Variants in CSMD1 observed in about 807,000 individuals in gnomAD.
CSMD1 encodes the protein CUB and Sushi multiple domains 1.
Under a neutral mutation model 417.5 loss-of-function variants are expected in CSMD1, and 213 were observed. That is an observed-to-expected ratio of 0.51 (90% CI 0.46 to 0.57). CSMD1 has a LOEUF of 0.57. Among genes scored for constraint, CSMD1 ranks in the 20% least tolerant of loss-of-function variants. The pLI is 0.00. For missense variants in CSMD1, 6,923 were observed against 4,529.7 expected (o/e 1.53, Z -15.17); for synonymous variants, 2,862 against 1,736.8 (o/e 1.65, Z -16.11).
At chr8:4,578,086 TAGCTC>T (rs1351496454) in intron 2 of CSMD1, among the ~76,000 whole-genome samples, 2 of 152,168 alleles carry the variant, frequency 1.3e-5, no homozygotes, top group African/African-American at 4.8e-5. Context: ...GCACCCGAGT[TAGCTC>T]AGAGCTGCTT....
chr8:4,598,569 G>T (rs1035541217), intron 2 of CSMD1, among the ~76,000 whole-genome samples: 3 of 152,062 alleles, frequency 2.0e-5, no homozygotes, highest in Non-Finnish European at 4.4e-5. Context: ...CTCCACATTG[G>T]TTCAAGATTA....
intron 3 of CSMD1, among the ~76,000 whole-genome samples, chr8:4,213,661 C>G (rs1287287635): frequency 6.6e-6 from 1 of 152,178 alleles, no homozygotes; most frequent in African/African-American, 2.4e-5. Context: ...TGCTCAGCAA[C>G]TGAGATGAAA....
intron 50 of CSMD1, among the ~76,000 whole-genome samples, chr8:3,049,750 CA>C (rs1294718414): frequency 1.3e-5 from 2 of 152,058 alleles, no homozygotes; most frequent in Non-Finnish European, 2.9e-5. Context: ...AATGAGCTCT[CA>C]TGTGAACGCT....
chr8:4,167,920 G>C (rs1392447694), intron 3 of CSMD1, among the ~76,000 whole-genome samples: 1 of 151,936 alleles, frequency 6.6e-6, no homozygotes, highest in Non-Finnish European at 1.5e-5. Context: ...CTGAGGTCAG[G>C]AGTTCAAGAC....
intron 21 of CSMD1, among the ~76,000 whole-genome samples, chr8:3,348,788 T>A (rs1808188403): frequency 6.6e-6 from 1 of 152,196 alleles, no homozygotes; most frequent in African/African-American, 2.4e-5. Context: ...GATCTAAATT[T>A]GTATCAAACA....
intron 1 of CSMD1, among the ~76,000 whole-genome samples, chr8:4,772,181 C>T: frequency 6.6e-6 from 1 of 152,240 alleles, no homozygotes; most frequent in East Asian, 1.9e-4. Context: ...TGTTTTCTTG[C>T]TGGCTGATGT....
intron 23 of CSMD1, among the ~76,000 whole-genome samples, chr8:3,340,061 T>C (rs1807546760): frequency 6.6e-6 from 1 of 152,194 alleles, no homozygotes; most frequent in African/African-American, 2.4e-5. Context: ...CCCAGGCAAT[T>C]CCTCTGCATG....
chr8:3,694,260 C>T (rs1800422986), intron 7 of CSMD1, among the ~76,000 whole-genome samples: 1 of 152,038 alleles, frequency 6.6e-6, no homozygotes, highest in African/African-American at 2.4e-5. Context: ...CAGGAAGAGC[C>T]TGGTCATGCT....
At chr8:4,077,763 T>C (rs1449114116) in intron 3 of CSMD1, among the ~76,000 whole-genome samples, 1 of 152,230 alleles carries the variant, frequency 6.6e-6, no homozygotes. Flanking sequence ...TATTGCCCTA[T>C]GATAAGCATT....
At chr8:4,012,106 C>T (rs1050386100) in intron 4 of CSMD1, among the ~76,000 whole-genome samples, 10 of 151,994 alleles carry the variant, frequency 6.6e-5, no homozygotes, top group Non-Finnish European at 1.3e-4. Context: ...CACAATGAAA[C>T]ATTTTCTAGA....
intron 1 of CSMD1, among the ~76,000 whole-genome samples, chr8:4,903,846 C>T (rs1448208610): frequency 6.6e-6 from 1 of 152,150 alleles, no homozygotes; most frequent in Non-Finnish European, 1.5e-5. Flanking sequence ...TACTTCCCAT[C>T]CCTTGATTTA....
chr8:3,293,344 C>A (rs182740184), intron 25 of CSMD1, among the ~76,000 whole-genome samples: 1,747 of 152,182 alleles, frequency 0.011, 19 homozygotes, highest in Middle Eastern at 0.024. Flanking sequence ...GTGGCGTTCT[C>A]TGGATTTCCT....
At chr8:4,954,190 A>T (rs1175727978) in intron 1 of CSMD1, among the ~76,000 whole-genome samples, 1 of 152,212 alleles carries the variant, frequency 6.6e-6, no homozygotes, top group East Asian at 1.9e-4. Context: ...CAAACAGAAA[A>T]CACATTATGT....
chr8:2,958,755 C>A (rs1274257435), intron 62 of CSMD1, among the ~76,000 whole-genome samples: 1 of 152,226 alleles, frequency 6.6e-6, no homozygotes, highest in South Asian at 2.1e-4. Flanking sequence ...ATAAGTGCAC[C>A]AAGTTAGCAT....
chr8:3,187,439 C>T (rs10216980), intron 36 of CSMD1, among the ~76,000 whole-genome samples: 40,963 of 151,948 alleles, frequency 0.27, 6,251 homozygotes, highest in Non-Finnish European at 0.36. Context: ...CAATTTCGTG[C>T]CTGGCTACAT....
chr8:3,381,610 T>A (rs775124828), intron 18 of CSMD1, among the ~76,000 whole-genome samples: 2 of 151,982 alleles, frequency 1.3e-5, no homozygotes, highest in African/African-American at 4.8e-5. Flanking sequence ...CATCCTTGAG[T>A]TTTACAAAAT....
At chr8:4,407,881 ATGAGT>A (rs1483462439) in intron 3 of CSMD1, among the ~76,000 whole-genome samples, 6 of 152,300 alleles carry the variant, frequency 3.9e-5, no homozygotes, top group Admixed American at 3.9e-4. Context: ...GCTCATATTT[ATGAGT>A]TAAGATGGAT....
chr8:3,210,297 A>T (rs1262708525), intron 30 of CSMD1, among the ~76,000 whole-genome samples: 1 of 151,890 alleles, frequency 6.6e-6, no homozygotes, highest in Non-Finnish European at 1.5e-5. Context: ...CATTTGGGGA[A>T]ATCAGTGTTT....
At chr8:3,789,794 T>G (rs1799634268) in intron 5 of CSMD1, among the ~76,000 whole-genome samples, 1 of 149,670 alleles carries the variant, frequency 6.7e-6, no homozygotes, top group Non-Finnish European at 1.5e-5. Context: ...GCAGCGGTGC[T>G]ATCTTGGCTC....
Sources: gnomAD v4.1 joint callset for allele counts (sites outside exome capture counted in the v4.1 genomes callset) on GRCh38, gnomAD v4.1.1 for gene constraint, MANE v1.5 for transcripts, NCBI Gene and HGNC (gene_info 2026-07-23, HGNC 2026-07-21) for gene names.